The following ZYG11B variants were observed in gnomAD, a reference collection of about 807,000 sequenced individuals.
ZYG11B encodes zyg-11 family member B, cell cycle regulator, also known as protein zyg-11 homolog B.
Under a neutral mutation model 82.4 loss-of-function variants are expected in ZYG11B, and 36 were observed. That is an observed-to-expected ratio of 0.44 (90% confidence interval 0.33 to 0.58). The LOEUF is 0.58. ZYG11B is among the 20% of genes least tolerant of loss of function. ZYG11B has a pLI of 0.02. For missense variants in ZYG11B, 552 were observed against 895.6 expected (o/e 0.62, Z 4.90); for synonymous variants, 303 against 312.8 (o/e 0.97, Z 0.33).
chr1:52,735,562 A>T (rs1033870201), intron 1 of ZYG11B, among the ~76,000 whole-genome samples: 3 of 151,304 alleles, frequency 2.0e-5, no homozygotes, highest in Non-Finnish European at 4.4e-5. Flanking sequence ...TTTGAGACAG[A>T]GTCTCTCTCT....
intron 1 of ZYG11B, among the ~76,000 whole-genome samples, chr1:52,748,732 C>T (rs751188962): frequency 2.0e-5 from 3 of 151,964 alleles, no homozygotes; most frequent in Non-Finnish European, 4.4e-5. Context: ...GCGTGGTGCA[C>T]GCGCCTGTAA....
chr1:52,734,719 ATTTTCT>A (rs112237434), intron 1 of ZYG11B, among the ~76,000 whole-genome samples: 16,095 of 150,802 alleles, frequency 0.11, 1,706 homozygotes, highest in African/African-American at 0.28. Context: ...TCTCTGACCA[ATTTTCT>A]TTTTCTTTTT....
At chr1:52,760,220 TC>T (rs1644615890) in intron 2 of ZYG11B, among the ~76,000 whole-genome samples, 1 of 152,046 alleles carries the variant, frequency 6.6e-6, no homozygotes. Context: ...AGGCAGGCGA[TC>T]CGCCTGAGGT....
At chr1:52,775,922 CAT>C (rs1010952931) in intron 3 of ZYG11B, among the ~76,000 whole-genome samples, 4 of 151,412 alleles carry the variant, frequency 2.6e-5, no homozygotes, top group African/African-American at 9.7e-5. Flanking sequence ...CTGAATAAAA[CAT>C]AGAGGCAATG....
intron 4 of ZYG11B, among the ~76,000 whole-genome samples, chr1:52,783,906 A>ATG (rs1164330951): frequency 4.7e-5 from 3 of 63,320 alleles, no homozygotes; most frequent in Non-Finnish European, 1.2e-4. Context: ...GTGTGTGTAT[A>ATG]TACATCTATA....
chr1:52,803,223 TACACAC>T (rs566197904), intron 10 of ZYG11B, among the ~76,000 whole-genome samples: 8 of 71,964 alleles, frequency 1.1e-4, no homozygotes, highest in African/African-American at 8.4e-4. Flanking sequence ...TATATATATA[TACACAC>T]ATATATATAT....
chr1:52,788,685 G>C (rs1427321279), intron 5 of ZYG11B, among the ~76,000 whole-genome samples: 1 of 152,124 alleles, frequency 6.6e-6, no homozygotes, highest in Non-Finnish European at 1.5e-5. Context: ...AGCTATGATT[G>C]TGCCGCTGCA....
At position 52,803,151 on chromosome 1, in the gene ZYG11B, TATACAC is replaced by T. The variant is rs1228133720; in HGVS notation, c.1695+1016_1695+1021del. Among the ~76,000 whole-genome samples the T allele has an allele frequency of 1.9e-3, 110 of 56,496 alleles. 3 individuals are homozygous for T. The highest frequency in any genetic ancestry group is 0.012 in the African/African-American group (104 of 8,774). The allele number at this position is 56,496 out of a possible 152,430, so 37.1% of individuals were successfully genotyped here. A position where few individuals can be genotyped will look rare whatever the true frequency, so the allele number is the denominator to read the frequency against. ...ATATATATACACACATATATATATA[TATACAC>T]ATATATATATACACACATATATATA... On this transcript the variant is annotated intron_variant, in intron 10 of 13. Transcript: ENST00000294353.
chr1:52,751,666 T>A (rs2149926947), intron 1 of ZYG11B, among the ~76,000 whole-genome samples: 1 of 152,040 alleles, frequency 6.6e-6, no homozygotes, highest in South Asian at 2.1e-4. Flanking sequence ...AAATTTGATC[T>A]TCATACCCTG....
At chr1:52,772,644 C>A in intron 3 of ZYG11B, 2 of 896,136 alleles carry the variant, frequency 2.2e-6, no homozygotes, top group Admixed American at 3.6e-5. Flanking sequence ...ACGCATACGA[C>A]CCATGATGGC....
chr1:52,810,187 T>C (rs1645171253), intron 10 of ZYG11B, among the ~76,000 whole-genome samples: 1 of 152,186 alleles, frequency 6.6e-6, no homozygotes, highest in Non-Finnish European at 1.5e-5. Context: ...AAGACCTTCC[T>C]GAGGACTCTA....
At chr1:52,783,997 T>TATATAGAGAGAG (rs543071878) in intron 4 of ZYG11B, among the ~76,000 whole-genome samples, 9 of 142,426 alleles carry the variant, frequency 6.3e-5, no homozygotes, top group African/African-American at 2.5e-4. Context: ...TATATATATA[T>TATATAGAGAGAG]AGAGAGAGAG....
chr1:52,770,093 T>TATA (rs386366954), intron 2 of ZYG11B, among the ~76,000 whole-genome samples: 644 of 56,372 alleles, frequency 0.011, 2 homozygotes, highest in Admixed American at 0.036. Flanking sequence ...TATATATATA[T>TATA]TTTTTTTTTT....
intron 1 of ZYG11B, among the ~76,000 whole-genome samples, chr1:52,734,630 A>G (rs1042360147): frequency 4.6e-5 from 7 of 151,736 alleles, no homozygotes; most frequent in African/African-American, 1.7e-4. Context: ...AGCCTGGGCA[A>G]CAAGAGTGAA....
At chr1:52,795,619 C>T (rs1034196008) in intron 6 of ZYG11B, among the ~76,000 whole-genome samples, 1 of 152,128 alleles carries the variant, frequency 6.6e-6, no homozygotes, top group African/African-American at 2.4e-5. Flanking sequence ...TGCTTGTCCC[C>T]TAAATGCCCA....
intron 1 of ZYG11B, among the ~76,000 whole-genome samples, chr1:52,733,403 G>A (rs912047190): frequency 1.3e-5 from 2 of 152,178 alleles, no homozygotes; most frequent in Non-Finnish European, 2.9e-5. Context: ...GCTCACGCCT[G>A]TAATCCACAT....
At chr1:52,758,127 A>G (rs1394131641) in intron 2 of ZYG11B, among the ~76,000 whole-genome samples, 1 of 144,204 alleles carries the variant, frequency 6.9e-6, no homozygotes, top group Non-Finnish European at 1.5e-5. Flanking sequence ...TGAATCCAGG[A>G]GGCGGAGGTT....
intron 3 of ZYG11B, chr1:52,772,237 C>A (rs878866300): frequency 7.3e-7 from 1 of 1,371,486 alleles, no homozygotes; most frequent in Non-Finnish European, 1.0e-6. Flanking sequence ...ATATTTCCAA[C>A]TGGGAGGGAG....
At position 52,771,290 on chromosome 1, in the gene ZYG11B, G is replaced by A. The variant is rs779539163; in HGVS notation, c.467G>A (p.Arg156His). The A allele has an allele frequency of 1.9e-6, 3 of 1,614,088 alleles. No homozygotes were observed. The highest frequency in any genetic ancestry group is 2.7e-5 in the African/African-American group (2 of 74,940). The change falls in exon 3 of 14, where the codon CGC (arginine) becomes CAC (histidine). Residue 156 changes from arginine to histidine, a missense_variant. By Grantham distance (29) the Arg-to-His change is conservative. This residue lies in a region of ZYG11B where 359 missense variants were observed against 555.8 expected (regional missense o/e 0.65). Transcript: ENST00000294353. This position sits in a 1 kb window ranked among gnomAD's most constrained non-coding sequence, Gnocchi z 5.4. Reference protein sequence around the residue: ...LTLSLEDPYERCFSRLSGLRA... With the variant: ...LTLSLEDPYEHCFSRLSGLRA... ...CTCTCCCTCGAGGATCCTTACGAGC[G>A]CTGCTTCAGCCGGCTTTCTGGCCTT...
Sources: allele counts gnomAD v4.1 joint callset (sites outside exome capture counted in the v4.1 genomes callset), GRCh38; gene constraint gnomAD v4.1.1; regional missense constraint gnomAD v4.1.1; non-coding constraint Gnocchi (gnomAD v3.1); transcripts MANE v1.5; gene names NCBI Gene and HGNC (gene_info 2026-07-23, HGNC 2026-07-21).